SIPA1L1: variants seen among roughly 807,000 people sequenced by gnomAD.
SIPA1L1 encodes signal-induced proliferation-associated 1-like protein 1.
In SIPA1L1, 26 loss-of-function variants were observed where a neutral mutation model predicts 162.7. The observed-to-expected ratio is 0.16, with a 90% confidence interval of 0.12 to 0.22. SIPA1L1 has a LOEUF of 0.22. SIPA1L1 is among the 10% of genes least tolerant of loss of function. The pLI is 1.00. For missense variants in SIPA1L1, 1,874 were observed against 2,241.0 expected, an observed-to-expected ratio of 0.84 and a Z score of 3.31; for synonymous variants, 829 against 837.4, an observed-to-expected ratio of 0.99 and a Z score of 0.17.
At chr14:71,548,444 A>G (rs1050046440) in intron 4 of SIPA1L1, among the ~76,000 whole-genome samples, 2 of 152,086 alleles carry the variant, frequency 1.3e-5, no homozygotes, top group African/African-American at 4.8e-5. Flanking sequence ...TCATATTTAG[A>G]TATCAGATAA....
At chr14:71,531,039 G>A (rs2053395229) in intron 4 of SIPA1L1, among the ~76,000 whole-genome samples, 1 of 152,186 alleles carries the variant, frequency 6.6e-6, no homozygotes, top group South Asian at 2.1e-4. Flanking sequence ...ATAGCTTTCT[G>A]TCTTATCTAC....
intron 5 of SIPA1L1, among the ~76,000 whole-genome samples, chr14:71,589,996 C>G (rs533177301): frequency 2.0e-3 from 237 of 121,166 alleles, no homozygotes; most frequent in African/African-American, 6.8e-3. Context: ...CACTTCCTTT[C>G]TAATCTTTTC....
chr14:71,431,402 G>T (rs763028393), intron 2 of SIPA1L1, among the ~76,000 whole-genome samples: 2 of 152,104 alleles, frequency 1.3e-5, no homozygotes, highest in African/African-American at 2.4e-5. Flanking sequence ...GTACATAAAA[G>T]ATTACATGAG....
intron 2 of SIPA1L1, among the ~76,000 whole-genome samples, chr14:71,387,521 A>G (rs1459549878): frequency 6.6e-6 from 1 of 152,204 alleles, no homozygotes; most frequent in Non-Finnish European, 1.5e-5. Flanking sequence ...CAAAGACATC[A>G]TTACTGTAGC....
At chr14:71,452,711 T>C (rs545336754) in intron 2 of SIPA1L1, among the ~76,000 whole-genome samples, 2 of 152,316 alleles carry the variant, frequency 1.3e-5, no homozygotes, top group Non-Finnish European at 2.9e-5. Context: ...ATTTTTAGTC[T>C]TGATTTTAGC....
Position 71,698,967 on chromosome 14 carries a change from T to G in SIPA1L1, c.3375-14T>G. ...TTGAATTGTTGACTTCATGTTTTTG[T>G]ATTGCACATGCAGGCTGTCTCCTGG... On this transcript the variant is annotated splice_polypyrimidine_tract_variant and intron_variant, in intron 13 of 23. Coordinates refer to ENST00000381232, the MANE Select transcript of SIPA1L1 (RefSeq NM_001386936.1). 6.2e-7 allele frequency: 1 copy of G among 1,614,150 alleles called. No individual in the cohort carries two copies. The highest frequency in any genetic ancestry group is 8.5e-7 in the Non-Finnish European group (1 of 1,179,956).
chr14:71,705,240 C>T lies in SIPA1L1; in HGVS notation c.3665C>T (p.Pro1222Leu), dbSNP rs780109965. 1.9e-6 allele frequency: 3 copies of T among 1,613,218 alleles called. No individual in the cohort carries two copies. The South Asian group carries it at 3.3e-5, about 18-fold the overall frequency. Residue 1222 changes from proline (P) to leucine (L), a missense_variant, in exon 16 of 24, where the codon CCA becomes CTA. Pro to Leu is a moderately conservative substitution (Grantham distance 98, BLOSUM62 -3). Transcript: ENST00000381232. ...ATTCCAGAGCCAACATGCCATCTCC[C>T]AGCAGTATCAAAGGTACTGCCAGCT... is the stretch of plus-strand genomic sequence containing the variant. ...ADQMEPTCHL[P>L]AVSKVLPAFR...
At chr14:71,721,625 G>C (rs2083743093) in intron 17 of SIPA1L1, among the ~76,000 whole-genome samples, 1 of 152,192 alleles carries the variant, frequency 6.6e-6, no homozygotes, top group African/African-American at 2.4e-5. Context: ...ATTTTCCTGT[G>C]GATGAGCTGC....
intron 2 of SIPA1L1, among the ~76,000 whole-genome samples, chr14:71,356,720 A>G (rs1010242719): frequency 1.3e-5 from 2 of 152,158 alleles, no homozygotes; most frequent in Non-Finnish European, 2.9e-5. Flanking sequence ...TGTCTCTACA[A>G]AATACAGCAA....
chr14:71,583,754 A>T (rs1291194965), intron 4 of SIPA1L1, among the ~76,000 whole-genome samples: 2 of 152,018 alleles, frequency 1.3e-5, no homozygotes, highest in African/African-American at 4.8e-5. Context: ...AATAAAGAAG[A>T]TGTCAAATGA....
intron 4 of SIPA1L1, among the ~76,000 whole-genome samples, chr14:71,547,680 G>A (rs1298562042): frequency 6.6e-6 from 1 of 152,062 alleles, no homozygotes; most frequent in Non-Finnish European, 1.5e-5. Flanking sequence ...CCTTTGGGGG[G>A]CTTCTTTCCT....
At chr14:71,530,132 T>G (rs546547716) in intron 4 of SIPA1L1, among the ~76,000 whole-genome samples, 51 of 152,340 alleles carry the variant, frequency 3.3e-4, no homozygotes, top group African/African-American at 8.7e-4. Flanking sequence ...GTGATTCACT[T>G]AGTCTCCATT....
In SIPA1L1 at chr14:71,377,948, G is replaced by T. The variant is rs1027773395; in HGVS notation, c.-465+56767G>T. On this transcript the variant is annotated intron_variant, in intron 2 of 23. Coordinates refer to ENST00000381232, the MANE Select transcript of SIPA1L1 (RefSeq NM_001386936.1). The surrounding 1 kb of genome is among the most constrained non-coding windows in gnomAD (Gnocchi z 4.8). ...GCAGTACAGTCCAGCCTCGGCAACC[G>T]AGGGAGACCGTGGAAAGCAGGAGAT... Among the ~76,000 whole-genome samples the T allele has an allele frequency of 6.6e-6, 1 of 152,178 alleles. No homozygotes were observed. Among genetic ancestry groups the T allele is most frequent in the African/African-American group, 2.4e-5 (1 of 41,438 alleles).
chr14:71,468,044 GTGTCTGTCTGTGTC>G (rs2047162788), intron 2 of SIPA1L1, among the ~76,000 whole-genome samples: 1 of 145,470 alleles, frequency 6.9e-6, no homozygotes, highest in East Asian at 2.3e-4. Flanking sequence ...GTGTGTGTGT[GTGTCTGTCTGTGTC>G]TGTCTGTCTG....
intron 2 of SIPA1L1, among the ~76,000 whole-genome samples, chr14:71,413,705 C>G (rs1482726685): frequency 1.3e-5 from 2 of 152,110 alleles, no homozygotes; most frequent in Non-Finnish European, 1.5e-5. Context: ...CCACTGTACT[C>G]CAGCCTGGGC....
intron 12 of SIPA1L1, among the ~76,000 whole-genome samples, chr14:71,674,532 G>T: frequency 6.6e-6 from 1 of 150,452 alleles, no homozygotes. Flanking sequence ...TCTTGTGATA[G>T]TGTTAGTAGC....
intron 5 of SIPA1L1, among the ~76,000 whole-genome samples, chr14:71,602,689 A>G (rs773029176): frequency 6.6e-6 from 1 of 152,216 alleles, no homozygotes; most frequent in Non-Finnish European, 1.5e-5. Flanking sequence ...GTCCCCAACC[A>G]CTGGTCTGTG....
At chr14:71,509,094 C>T (rs1444822048) in intron 2 of SIPA1L1, among the ~76,000 whole-genome samples, 1 of 152,092 alleles carries the variant, frequency 6.6e-6, no homozygotes. Flanking sequence ...TTTGAAGGTC[C>T]GTCCTCTTAC....
chr14:71,662,441 A>G (rs764128804), intron 10 of SIPA1L1, among the ~76,000 whole-genome samples: 1 of 152,206 alleles, frequency 6.6e-6, no homozygotes, highest in Non-Finnish European at 1.5e-5. Flanking sequence ...TGTATATCCC[A>G]TTTAATCTTT....
Sources: gnomAD v4.1 joint callset for allele counts (sites outside exome capture counted in the v4.1 genomes callset) on GRCh38, gnomAD v4.1.1 for gene constraint, Gnocchi (gnomAD v3.1) non-coding constraint, MANE v1.5 for transcripts, NCBI Gene and HGNC (gene_info 2026-07-23, HGNC 2026-07-21) for gene names.